The following ASIC2 variants were observed in gnomAD, a reference collection of about 807,000 sequenced individuals.
The protein encoded by ASIC2 is acid-sensing ion channel 2.
Under a neutral mutation model 57.3 loss-of-function variants are expected in ASIC2, and 25 were observed. The observed-to-expected ratio is 0.44, with a 90% CI of 0.32 to 0.61. The LOEUF (loss-of-function observed/expected upper bound fraction) is 0.61. ASIC2 is among the 20% of genes least tolerant of loss of function. ASIC2 has a pLI of 0.06. For missense variants in ASIC2, 641 were observed against 738.1 expected (o/e 0.87, Z 1.52); for synonymous variants, 319 against 307.5 (o/e 1.04, Z -0.39).
intron 1 of ASIC2, among the ~76,000 whole-genome samples, chr17:33,714,282 G>T (rs968490871): frequency 6.6e-6 from 1 of 152,110 alleles, no homozygotes; most frequent in African/African-American, 2.4e-5. Flanking sequence ...ATAAAAGCAT[G>T]CAATGAAGCA....
At chr17:33,704,660 G>A (rs1426004102) in intron 1 of ASIC2, among the ~76,000 whole-genome samples, 3 of 152,226 alleles carry the variant, frequency 2.0e-5, no homozygotes, top group African/African-American at 7.2e-5. Flanking sequence ...AGGGGCAGAA[G>A]TTCATGGACC....
intron 1 of ASIC2, among the ~76,000 whole-genome samples, chr17:33,354,284 C>T (rs764569401): frequency 8.5e-5 from 13 of 152,160 alleles, no homozygotes; most frequent in African/African-American, 2.2e-4. Flanking sequence ...TGGTTCATGA[C>T]GGTCTTTAAA....
rs542073597 is a variant in ASIC2 at position 33,278,745 on chromosome 17, G to C, written c.708+12663C>G. ...TGAATGAATGAATGAACGAATGAATGAGTCCACATATATTTTTTTTTTTGG... is the reference window on the plus strand; with the variant it reads ...TGAATGAATGAATGAACGAATGAATCAGTCCACATATATTTTTTTTTTTGG... On this transcript the variant is annotated intron_variant, in intron 1 of 9. Coordinates refer to ENST00000225823, the MANE Select transcript of ASIC2 (RefSeq NM_183377.2). Among the ~76,000 whole-genome samples, 16 of 152,210 alleles carry C rather than the reference G, an allele frequency of 1.1e-4. No homozygotes were observed. In the South Asian group the frequency reaches 3.1e-3, roughly 30 times the overall value.
intron 1 of ASIC2, chr17:34,070,183 G>A (rs1266692034): frequency 6.6e-6 from 1 of 152,050 alleles, no homozygotes; most frequent in Non-Finnish European, 1.5e-5. Flanking sequence ...TCTAAGTTAA[G>A]CTGGTGCACG....
chr17:33,438,228 C>T (rs747488302), intron 1 of ASIC2, among the ~76,000 whole-genome samples: 1 of 152,198 alleles, frequency 6.6e-6, no homozygotes, highest in Non-Finnish European at 1.5e-5. Context: ...GGTTCAGCTT[C>T]AAGCTTCCTT....
chr17:33,833,475 G>C (rs1429207881), intron 1 of ASIC2, among the ~76,000 whole-genome samples: 1 of 151,982 alleles, frequency 6.6e-6, no homozygotes, highest in Non-Finnish European at 1.5e-5. Flanking sequence ...GTTTTAATGA[G>C]ACCTTCCGTT....
intron 1 of ASIC2, among the ~76,000 whole-genome samples, chr17:33,743,455 T>C (rs1910169044): frequency 6.6e-6 from 1 of 152,210 alleles, no homozygotes. Context: ...TGTGTCAACT[T>C]GGATGGGCCA....
intron 1 of ASIC2, among the ~76,000 whole-genome samples, chr17:33,735,641 C>T (rs1391736857): frequency 6.6e-6 from 1 of 152,058 alleles, no homozygotes; most frequent in Non-Finnish European, 1.5e-5. Flanking sequence ...TGCAAGGGTT[C>T]CTAATGGTGT....
intron 2 of ASIC2, among the ~76,000 whole-genome samples, chr17:33,092,726 C>A (rs1452147087): frequency 1.3e-5 from 2 of 152,224 alleles, no homozygotes; most frequent in Admixed American, 6.5e-5. Context: ...TCTACTCCAC[C>A]AGGAGTGTGG....
Position 33,848,295 on chromosome 17 carries a change from G to C in ASIC2, c.555+307683C>G, listed in dbSNP as rs1484155822. The stretch of plus-strand genomic sequence containing the variant: ...TAATGAACGTGCCAACTAAGGGGCA[G>C]GCAACCTAGGTTACCCAGTGGGGCA... On this transcript the variant is annotated intron_variant, in intron 1 of 9. Coordinates refer to the ASIC2 transcript ENST00000359872. 2.0e-5 allele frequency among the ~76,000 whole-genome samples: 3 copies of C among 152,162 alleles called. No homozygotes were observed. The East Asian group carries it at 5.8e-4, about 29-fold the overall frequency.
rs192806831 is a variant in ASIC2 at position 34,043,752 on chromosome 17, C to T, written c.555+112226G>A. 2.0e-4 allele frequency among the ~76,000 whole-genome samples: 31 copies of T among 152,252 alleles called. 1 individual carries two copies. The highest frequency in any genetic ancestry group is 7.2e-4 in the African/African-American group (30 of 41,544). ...TAGTTTCTTTTCATAGAGGGGAAAA[C>T]CAAAGCCCCTAGGAGCTGAGGCCTC... On this transcript the variant is annotated intron_variant, in intron 1 of 9. Transcript: ENST00000359872.
intron 1 of ASIC2, among the ~76,000 whole-genome samples, chr17:33,629,743 C>G (rs1906100786): frequency 6.6e-6 from 1 of 152,192 alleles, no homozygotes; most frequent in Non-Finnish European, 1.5e-5. Context: ...AGAGGTGCTG[C>G]TCAGCAGCCC....
chr17:33,327,581 T>C (rs1284578738), intron 1 of ASIC2, among the ~76,000 whole-genome samples: 1 of 152,168 alleles, frequency 6.6e-6, no homozygotes, highest in African/African-American at 2.4e-5. Context: ...TTCCCTACCC[T>C]CAAGGAGCTA....
At chr17:34,051,047 T>G (rs1047196357) in intron 1 of ASIC2, among the ~76,000 whole-genome samples, 1 of 152,224 alleles carries the variant, frequency 6.6e-6, no homozygotes, top group Admixed American at 6.5e-5. Context: ...ACTTCCAGAC[T>G]TAAGATTCTT....
intron 1 of ASIC2, among the ~76,000 whole-genome samples, chr17:33,537,394 G>A (rs544095404): frequency 2.0e-5 from 3 of 152,134 alleles, no homozygotes; most frequent in East Asian, 1.9e-4. Context: ...GTCACCTCCC[G>A]CCCACCCTGC....
At chr17:33,575,546 G>A (rs1403015745) in intron 1 of ASIC2, among the ~76,000 whole-genome samples, 1 of 152,206 alleles carries the variant, frequency 6.6e-6, no homozygotes, top group Admixed American at 6.5e-5. Context: ...TATGGTGGTG[G>A]TGCTTTGAAG....
intron 1 of ASIC2, among the ~76,000 whole-genome samples, chr17:33,871,306 TCTACAAATGGA>T (rs1914399382): frequency 6.6e-6 from 1 of 152,176 alleles, no homozygotes; most frequent in Admixed American, 6.5e-5. Context: ...TTAAAAGCCC[TCTACAAATGGA>T]AAGTATTTTG....
intron 1 of ASIC2, among the ~76,000 whole-genome samples, chr17:34,053,746 G>C (rs574582330): frequency 2.0e-4 from 31 of 152,214 alleles, no homozygotes; most frequent in African/African-American, 7.2e-4. Context: ...TCAAACTCAG[G>C]ATGTCTGGCT....
At chr17:33,370,334 C>T (rs116149820) in intron 1 of ASIC2, among the ~76,000 whole-genome samples, 3,255 of 152,308 alleles carry the variant, frequency 0.021, 117 homozygotes, top group African/African-American at 0.074. Context: ...TGGGCAACCT[C>T]GCAGTACTGG....
Sources: gnomAD v4.1 joint callset for allele counts (sites outside exome capture counted in the v4.1 genomes callset) on GRCh38, gnomAD v4.1.1 for gene constraint, MANE v1.5 for transcripts, NCBI Gene and HGNC (gene_info 2026-07-23, HGNC 2026-07-21) for gene names.